CALCR: variants seen among roughly 807,000 people sequenced by gnomAD.
CALCR encodes calcitonin receptor.
Under a neutral mutation model 59.5 loss-of-function variants are expected in CALCR, and 47 were observed. The observed-to-expected ratio is 0.79, with a 90% confidence interval of 0.63 to 1.01. The LOEUF is 1.01. CALCR is among the 50% of genes least tolerant of loss of function. The pLI, the probability that CALCR is intolerant of heterozygous loss-of-function variation, is 0.00. For synonymous variants in CALCR, 213 were observed against 211.3 expected (o/e 1.01, Z -0.07); for missense variants, 566 against 597.1 (o/e 0.95, Z 0.54).
chr7:93,564,987 G>A (rs185665454), intron 2 of CALCR, among the ~76,000 whole-genome samples: 63 of 152,296 alleles, frequency 4.1e-4, no homozygotes, highest in African/African-American at 1.5e-3. Flanking sequence ...CAAACTAGCA[G>A]AAGGGGAGGG....
intron 8 of CALCR, among the ~76,000 whole-genome samples, chr7:93,445,678 TG>T (rs1410806070): frequency 1.3e-5 from 2 of 152,116 alleles, no homozygotes; most frequent in Non-Finnish European, 2.9e-5. Context: ...TTATGTGTTT[TG>T]TTTAAAGACA....
chr7:93,510,630 G>A lies in CALCR; in HGVS notation c.-26-23623C>T, dbSNP rs577167073. 3.3e-5 allele frequency among the ~76,000 whole-genome samples: 5 copies of A among 152,286 alleles called. No individual in the cohort carries two copies. In the South Asian group the frequency reaches 1.0e-3, roughly 32 times the overall value. On this transcript the variant is annotated intron_variant, in intron 2 of 13. Coordinates refer to ENST00000426151, the MANE Select transcript of CALCR (RefSeq NM_001742.4). ...AGCTTATAATCCCAGTGCTTTGGGA[G>A]GCTAAATTGGGAGAATTGCTTGAGG...
chr7:93,506,215 C>G (rs10155985), intron 2 of CALCR, among the ~76,000 whole-genome samples: 1 of 152,034 alleles, frequency 6.6e-6, no homozygotes, highest in Non-Finnish European at 1.5e-5. Context: ...AAAATGATGC[C>G]GCTTCACTAG....
chr7:93,477,961 CAAAAAAAAAAAAAA>C (rs71107894), intron 4 of CALCR, among the ~76,000 whole-genome samples: 1 of 54,376 alleles, frequency 1.8e-5, no homozygotes, highest in Non-Finnish European at 3.3e-5. Flanking sequence ...GACCCTCTCT[CAAAAAAAAAAAAAA>C]AAAAAAAAAA....
intron 2 of CALCR, among the ~76,000 whole-genome samples, chr7:93,539,646 T>C (rs1294230189): frequency 1.3e-5 from 2 of 152,082 alleles, no homozygotes; most frequent in Non-Finnish European, 2.9e-5. Flanking sequence ...ATATTTATTG[T>C]GTGTTCTTGT....
chr7:93,431,280 C>T (rs1253516588), intron 13 of CALCR, among the ~76,000 whole-genome samples: 1 of 152,140 alleles, frequency 6.6e-6, no homozygotes, highest in Non-Finnish European at 1.5e-5. Context: ...CTTTTTGTTT[C>T]GAGAGCACAG....
rs548671354 is a variant in CALCR at position 93,443,658 on chromosome 7, C to G, written c.748G>C (p.Val250Leu). The stretch of plus-strand genomic sequence containing the variant: ...CGTTGCTTCTCAGTAAACACAGCCA[C>G]GACAATGAGTGTATGAAGATAGATC... ...EGIYLHTLIV[V>L]AVFTEKQRLR... The change falls in exon 9 of 14, where the codon GTG becomes CTG. Residue 250 changes from valine to leucine, a missense_variant. Coordinates refer to ENST00000426151, the MANE Select transcript of CALCR (RefSeq NM_001742.4). 3.1e-6 allele frequency: 5 copies of G among 1,613,366 alleles called. No individual in the cohort carries two copies. The Admixed American group carries it at 6.7e-5, about 22-fold the overall frequency.
intron 2 of CALCR, among the ~76,000 whole-genome samples, chr7:93,551,274 C>G (rs1345640726): frequency 6.6e-6 from 1 of 152,134 alleles, no homozygotes; most frequent in Non-Finnish European, 1.5e-5. Flanking sequence ...CTTGTCAACT[C>G]CTAAGAAATG....
At chr7:93,485,555 AC>A (rs1800924231) in intron 3 of CALCR, among the ~76,000 whole-genome samples, 1 of 151,660 alleles carries the variant, frequency 6.6e-6, no homozygotes, top group South Asian at 2.1e-4. Flanking sequence ...ATTCACATAT[AC>A]CAGATCACTT....
At chr7:93,507,730 A>T (rs1584593479) in intron 2 of CALCR, among the ~76,000 whole-genome samples, 1 of 135,604 alleles carries the variant, frequency 7.4e-6, no homozygotes. Flanking sequence ...ACATGGTGAA[A>T]CCCCGTCTCT....
intron 7 of CALCR, 130 bp from the exon 8 acceptor site, chr7:93,461,077 G>T: frequency 1.4e-6 from 1 of 705,136 alleles, no homozygotes; most frequent in South Asian, 2.1e-5. Context: ...AGAAAGTAAG[G>T]CTGGTCTCCT....
chr7:93,518,878 G>C (rs896970726), intron 2 of CALCR, among the ~76,000 whole-genome samples: 2 of 143,302 alleles, frequency 1.4e-5, no homozygotes, highest in African/African-American at 5.0e-5. Flanking sequence ...CATTTACCAA[G>C]ATATATCTGG....
rs117727560 is a variant in CALCR, at chr7:93,531,466, A to G, written c.-27+42823T>C. Among the ~76,000 whole-genome samples, 26 of 152,252 alleles carry G rather than the reference A, an allele frequency of 1.7e-4. No homozygotes were observed. The East Asian group carries it at 1.9e-3, about 11-fold the overall frequency. ...CTTCCATCACACATTAACTTTACAT[A>G]TTACAAAACAGAGCAGAAAATCACA... On this transcript the variant is annotated intron_variant, in intron 2 of 13. Transcript: ENST00000426151.
chr7:93,432,484 T>C (rs921266109), intron 13 of CALCR, among the ~76,000 whole-genome samples: 18 of 152,200 alleles, frequency 1.2e-4, no homozygotes, highest in Non-Finnish European at 4.4e-5. Flanking sequence ...AATTCTATAT[T>C]ATTAGAAATG....
chr7:93,436,171 CTGCAAATATACGG>C lies in CALCR; in HGVS notation c.931-14_931-2del, dbSNP rs780371143. The C allele has an allele frequency of 1.1e-5, 18 of 1,612,060 alleles. No homozygotes were observed. The highest frequency in any genetic ancestry group is 1.4e-5 in the Non-Finnish European group (16 of 1,178,298). On this transcript the variant is annotated splice_acceptor_variant and splice_polypyrimidine_tract_variant and intron_variant, in intron 11 of 13. Transcript: ENST00000426151. LOFTEE classifies it high-confidence loss of function. ...TGTTGAGCAAAAAGAAGAAATTGAC[CTGCAAATATACGG>C]TGTTATGAGCAAATCATACAGAAAA...
intron 3 of CALCR, among the ~76,000 whole-genome samples, chr7:93,482,415 C>T (rs894695262): frequency 6.6e-6 from 1 of 151,718 alleles, no homozygotes; most frequent in African/African-American, 2.4e-5. Context: ...ATCTTCAAAT[C>T]GAATTAGAAG....
chr7:93,484,820 G>T (rs1203932409), intron 3 of CALCR, among the ~76,000 whole-genome samples: 1 of 151,620 alleles, frequency 6.6e-6, no homozygotes, highest in East Asian at 2.0e-4. Flanking sequence ...CATCGTCACT[G>T]GCATCTTTTT....
At chr7:93,460,554 T>TAAAA (rs71537257) in intron 8 of CALCR, among the ~76,000 whole-genome samples, 3 of 79,294 alleles carry the variant, frequency 3.8e-5, no homozygotes, top group Admixed American at 1.6e-4. Context: ...AGACTCTATC[T>TAAAA]AAAAAAAAAA....
intron 7 of CALCR, among the ~76,000 whole-genome samples, chr7:93,468,274 C>T (rs574885205): frequency 2.5e-4 from 38 of 151,722 alleles, no homozygotes; most frequent in Middle Eastern, 3.4e-3. Flanking sequence ...CTTGTTTATT[C>T]CTTAGTCTTA....
Sources: allele counts gnomAD v4.1 joint callset (sites outside exome capture counted in the v4.1 genomes callset), GRCh38; gene constraint gnomAD v4.1.1; transcripts MANE v1.5; gene names NCBI Gene and HGNC (gene_info 2026-07-23, HGNC 2026-07-21).